TRAPPC9: variants seen among roughly 807,000 people sequenced by gnomAD.
The protein encoded by TRAPPC9 is IKK2 binding protein.
Under a neutral mutation model 124.0 loss-of-function variants are expected in TRAPPC9, and 83 were observed. That is an observed-to-expected ratio of 0.67 (90% CI 0.56 to 0.80). TRAPPC9 has a LOEUF of 0.80. Among genes scored for constraint, TRAPPC9 ranks in the 30% least tolerant of loss-of-function variants. TRAPPC9 has a pLI of 0.00. For synonymous variants in TRAPPC9, 638 were observed against 617.5 expected, an observed-to-expected ratio of 1.03 and a Z score of -0.49; for missense variants, 1,302 against 1,508.3, an observed-to-expected ratio of 0.86 and a Z score of 2.27.
chr8:139,963,803 A>C (rs1835513509), intron 19 of TRAPPC9, among the ~76,000 whole-genome samples: 1 of 150,028 alleles, frequency 6.7e-6, no homozygotes, highest in African/African-American at 2.5e-5. Context: ...TCTCAAACAC[A>C]AGGATGCTTA....
chr8:139,855,759 G>A (rs893603475), intron 21 of TRAPPC9, among the ~76,000 whole-genome samples: 4 of 152,194 alleles, frequency 2.6e-5, no homozygotes, highest in Non-Finnish European at 5.9e-5. Flanking sequence ...AAGCCCGCTC[G>A]ACCCCAGCAC....
chr8:139,877,264 A>G (rs1258050105), intron 21 of TRAPPC9, among the ~76,000 whole-genome samples: 1 of 152,234 alleles, frequency 6.6e-6, no homozygotes, highest in East Asian at 1.9e-4. Context: ...GGACACTCAA[A>G]TCCGCATGGC....
chr8:140,401,424 C>G (rs555132361), intron 6 of TRAPPC9, among the ~76,000 whole-genome samples: 1 of 152,242 alleles, frequency 6.6e-6, no homozygotes, highest in East Asian at 1.9e-4. Context: ...AGAAATCTAT[C>G]AATTGTATAT....
chr8:140,358,016 A>G (rs1028679169), intron 9 of TRAPPC9, among the ~76,000 whole-genome samples: 1 of 152,146 alleles, frequency 6.6e-6, no homozygotes, highest in Non-Finnish European at 1.5e-5. Flanking sequence ...CGGCCACAAT[A>G]AGTGGTGTGT....
chr8:140,457,162 C>T (rs1338482301), intron 1 of TRAPPC9, among the ~76,000 whole-genome samples: 1 of 152,242 alleles, frequency 6.6e-6, no homozygotes, highest in Non-Finnish European at 1.5e-5. Flanking sequence ...GTGGGCTGTG[C>T]TGGGCCCCAG....
At chr8:139,989,333 C>G (rs910887986) in intron 18 of TRAPPC9, among the ~76,000 whole-genome samples, 1 of 152,254 alleles carries the variant, frequency 6.6e-6, no homozygotes, top group Non-Finnish European at 1.5e-5. Flanking sequence ...ACATCCAGCA[C>G]GAGCTTCTCC....
intron 17 of TRAPPC9, among the ~76,000 whole-genome samples, chr8:140,147,109 T>C (rs1408371891): frequency 2.0e-5 from 3 of 152,246 alleles, no homozygotes; most frequent in African/African-American, 7.2e-5. Context: ...CAGTTTCATA[T>C]TTTACTCTAC....
chr8:139,754,338 C>T (rs1487786580), intron 21 of TRAPPC9, among the ~76,000 whole-genome samples: 8 of 152,234 alleles, frequency 5.3e-5, no homozygotes. Context: ...GTTTGTATCA[C>T]CTGGGGCTCC....
intron 21 of TRAPPC9, among the ~76,000 whole-genome samples, chr8:139,805,982 G>A (rs984293174): frequency 2.6e-5 from 4 of 152,218 alleles, no homozygotes; most frequent in Non-Finnish European, 2.9e-5. Context: ...GGGTGTGCGC[G>A]GAGCACGCTG....
In TRAPPC9 at chr8:139,977,333, A is replaced by T. The variant is rs2131639904; in HGVS notation, c.2810+11393T>A. Among the ~76,000 whole-genome samples the T allele has an allele frequency of 2.0e-5, 3 of 152,126 alleles. No homozygotes were observed. In the Middle Eastern group the frequency reaches 0.01, roughly 517 times the overall value. On this transcript the variant is annotated intron_variant, in intron 19 of 22. Coordinates refer to ENST00000438773, the MANE Select transcript of TRAPPC9 (RefSeq NM_001160372.4). ...ATCCATGAAGTAGCTTCGAAAAAAA[A>T]TGCTGAGGCCAGGCGTGGTGGCTCA... is the stretch of plus-strand genomic sequence containing the variant.
chr8:140,172,496 T>A (rs2061986554), intron 17 of TRAPPC9, among the ~76,000 whole-genome samples: 2 of 147,054 alleles, frequency 1.4e-5, no homozygotes. Flanking sequence ...GGGGTTAAAC[T>A]ACCTCTGGAC....
chr8:140,382,158 G>A lies in TRAPPC9; in HGVS notation c.1135-10978C>T, dbSNP rs1030946095. On this transcript the variant is annotated intron_variant, in intron 7 of 22. Coordinates refer to ENST00000438773, the MANE Select transcript of TRAPPC9 (RefSeq NM_001160372.4). ...AGTGGCCATAAGAAGGAATGAAGTG[G>A]CGGTTCCAAGATGGCCGAATAGGAA... Among the ~76,000 whole-genome samples, 10 of 152,196 alleles carry A rather than the reference G, an allele frequency of 6.6e-5. 1 individual carries two copies. The highest frequency in any genetic ancestry group is 1.5e-4 in the Non-Finnish European group (10 of 68,022).
chr8:140,148,643 C>T (rs147287008), intron 17 of TRAPPC9, among the ~76,000 whole-genome samples: 1 of 152,306 alleles, frequency 6.6e-6, no homozygotes, highest in African/African-American at 2.4e-5. Flanking sequence ...CACCCTGACC[C>T]TATGAGCTTC....
At chr8:139,892,217 G>GC (rs1212764640) in intron 20 of TRAPPC9, among the ~76,000 whole-genome samples, 19 of 152,184 alleles carry the variant, frequency 1.2e-4, no homozygotes, top group African/African-American at 3.9e-4. Context: ...TGCTGCTCTG[G>GC]CCCCCACCCC....
chr8:139,831,184 G>A (rs1825968757), intron 21 of TRAPPC9, among the ~76,000 whole-genome samples: 2 of 152,202 alleles, frequency 1.3e-5, no homozygotes, highest in African/African-American at 4.8e-5. Flanking sequence ...TAAGCTTCTT[G>A]TTGTAGGTTC....
intron 18 of TRAPPC9, among the ~76,000 whole-genome samples, chr8:139,996,179 A>AAAG (rs1554603352): frequency 1.4e-5 from 2 of 145,568 alleles, no homozygotes; most frequent in African/African-American, 5.0e-5. Context: ...AAAAAAAAAA[A>AAAG]AAAGAAAGGA....
chr8:140,231,479 T>TTC (rs1346508098), intron 16 of TRAPPC9, among the ~76,000 whole-genome samples: 1 of 132,146 alleles, frequency 7.6e-6, no homozygotes, highest in African/African-American at 2.7e-5. Context: ...TCACTGCCTT[T>TTC]TCTTTTTTTT....
intron 17 of TRAPPC9, among the ~76,000 whole-genome samples, chr8:140,120,838 T>TCATC (rs145185846): frequency 3.7e-4 from 55 of 150,140 alleles, no homozygotes; most frequent in African/African-American, 1.0e-3. Context: ...CATCCATCCA[T>TCATC]CATCCATCCA....
At chr8:140,386,655 G>T (rs1344066327) in intron 7 of TRAPPC9, among the ~76,000 whole-genome samples, 5 of 151,790 alleles carry the variant, frequency 3.3e-5, no homozygotes, top group Non-Finnish European at 4.4e-5. Context: ...CACTGCTCAA[G>T]GAAATAAAAG....
Sources: gnomAD v4.1 joint callset for allele counts (sites outside exome capture counted in the v4.1 genomes callset) on GRCh38, gnomAD v4.1.1 for gene constraint, MANE v1.5 for transcripts, NCBI Gene and HGNC (gene_info 2026-07-23, HGNC 2026-07-21) for gene names.